The following CDKN2B-AS1 variants were observed in gnomAD, a reference collection of about 807,000 sequenced individuals.
CDKN2B-AS1 encodes CDKN2B antisense RNA 1 (non-protein coding).
chr9:22,049,656 T>G (rs1823259288), intron 3 of CDKN2B-AS1, among the ~76,000 whole-genome samples: 1 of 152,146 alleles, frequency 6.6e-6, no homozygotes, highest in African/African-American at 2.4e-5. Flanking sequence ...TTCAGAGAGC[T>G]GGGATGACTC....
intron 4 of CDKN2B-AS1, among the ~76,000 whole-genome samples, chr9:22,113,291 T>A (rs1825850939): frequency 6.6e-6 from 1 of 152,184 alleles, no homozygotes; most frequent in South Asian, 2.1e-4. Flanking sequence ...ATCCCCTCCA[T>A]CTTCAGGCCA....
chr9:22,076,982 G>A (rs1193555339), intron 4 of CDKN2B-AS1, among the ~76,000 whole-genome samples: 6 of 152,174 alleles, frequency 3.9e-5, no homozygotes, highest in Non-Finnish European at 7.3e-5. Flanking sequence ...ATCATGCCTG[G>A]CCTACAATGC....
chr9:22,042,209 T>C (rs1822924359), intron 1 of CDKN2B-AS1, among the ~76,000 whole-genome samples: 1 of 152,072 alleles, frequency 6.6e-6, no homozygotes, highest in South Asian at 2.1e-4. Flanking sequence ...AACCCTTTCT[T>C]CTACCAGCTG....
intron 4 of CDKN2B-AS1, among the ~76,000 whole-genome samples, chr9:22,122,057 G>A (rs1218308169): frequency 8.7e-6 from 1 of 114,816 alleles, no homozygotes; most frequent in African/African-American, 2.9e-5. Flanking sequence ...GCCAGCATTT[G>A]TTATTTTTTT....
intron 1 of CDKN2B-AS1, among the ~76,000 whole-genome samples, chr9:22,026,371 C>T (rs1390373321): frequency 6.6e-6 from 1 of 152,198 alleles, no homozygotes; most frequent in Non-Finnish European, 1.5e-5. Flanking sequence ...CTTAAAGCAG[C>T]AGTCTGGCCA....
chr9:22,089,310 G>T (rs1824980830), intron 4 of CDKN2B-AS1, among the ~76,000 whole-genome samples: 1 of 152,112 alleles, frequency 6.6e-6, no homozygotes, highest in Non-Finnish European at 1.5e-5. Context: ...TTGAATTGAT[G>T]ATATTTATCT....
chr9:22,058,328 A>C (rs1823660520), intron 4 of CDKN2B-AS1: 2 of 152,220 alleles, frequency 1.3e-5, no homozygotes, highest in African/African-American at 4.8e-5. Context: ...CCATTTATTT[A>C]CTTTTTTCCC....
chr9:22,119,237 A>C (rs72654271), intron 4 of CDKN2B-AS1: 1 of 152,106 alleles, frequency 6.6e-6, no homozygotes, highest in African/African-American at 2.4e-5. Context: ...CATGAAGATA[A>C]CACAGATATA....
At chr9:22,064,533 T>C (rs537043533) in intron 4 of CDKN2B-AS1, among the ~76,000 whole-genome samples, 36 of 152,254 alleles carry the variant, frequency 2.4e-4, no homozygotes, top group Middle Eastern at 6.8e-3. Context: ...TTTCAGCATA[T>C]GAGGATTATA....
chr9:22,034,125 A>G (rs182087118), intron 1 of CDKN2B-AS1, among the ~76,000 whole-genome samples: 9 of 152,306 alleles, frequency 5.9e-5, no homozygotes, highest in Admixed American at 2.0e-4. Flanking sequence ...CATGTTGAAC[A>G]TGTGGTGGGA....
rs1172097703 is a variant in CDKN2B-AS1, at chr9:22,039,732, CTT to C, written n.30-7017_30-7016del. On this transcript the variant is annotated intron_variant and non_coding_transcript_variant, in intron 1 of 4. Transcript: ENST00000650946. The surrounding 1 kb of genome is among the most constrained non-coding windows in gnomAD (Gnocchi z 4.4). ...TCTGACCTCTCAGCTCCTAAATAAA[CTT>C]TGCCAAATCTTCAGGCCCTCAAAAT... is the stretch of plus-strand genomic sequence containing the variant. 2.0e-5 allele frequency among the ~76,000 whole-genome samples: 3 copies of C among 152,030 alleles called. No homozygotes were observed. Among genetic ancestry groups the C allele is most frequent in the Non-Finnish European group, 4.4e-5 (3 of 67,946 alleles).
chr9:22,091,753 T>C (rs1056322423), intron 4 of CDKN2B-AS1, among the ~76,000 whole-genome samples: 3 of 152,188 alleles, frequency 2.0e-5, no homozygotes, highest in African/African-American at 7.2e-5. Context: ...AGATATACAA[T>C]CATGTCATCT....
At chr9:22,068,109 C>G (rs1824137766) in intron 4 of CDKN2B-AS1, among the ~76,000 whole-genome samples, 1 of 152,136 alleles carries the variant, frequency 6.6e-6, no homozygotes, top group African/African-American at 2.4e-5. Context: ...TAGTTTTGTC[C>G]TCACTTTTTT....
intron 1 of CDKN2B-AS1, among the ~76,000 whole-genome samples, chr9:22,007,302 T>C (rs997730419): frequency 6.6e-6 from 1 of 152,122 alleles, no homozygotes; most frequent in Non-Finnish European, 1.5e-5. Context: ...GAGGTTGCAG[T>C]GAGCTGAGAT....
intron 3 of CDKN2B-AS1, among the ~76,000 whole-genome samples, chr9:22,054,469 G>A (rs1823474611): frequency 6.6e-6 from 1 of 152,032 alleles, no homozygotes; most frequent in South Asian, 2.1e-4. Context: ...AACTGATTAT[G>A]AGCATACCTT....
At chr9:22,098,817 GT>G (rs1262458554) in intron 4 of CDKN2B-AS1, among the ~76,000 whole-genome samples, 9 of 152,164 alleles carry the variant, frequency 5.9e-5, no homozygotes, top group African/African-American at 2.2e-4. Context: ...CCCCTACACT[GT>G]GCTGACCACA....
At chr9:22,068,757 G>T (rs1205845327) in intron 4 of CDKN2B-AS1, among the ~76,000 whole-genome samples, 2 of 152,206 alleles carry the variant, frequency 1.3e-5, no homozygotes, top group Non-Finnish European at 2.9e-5. Context: ...AGTGAATCAA[G>T]CAAATGAAAC....
At chr9:22,110,577 T>C (rs116625702) in intron 4 of CDKN2B-AS1, among the ~76,000 whole-genome samples, 223 of 152,306 alleles carry the variant, frequency 1.5e-3, no homozygotes, top group African/African-American at 5.3e-3. Context: ...TCACTAAACA[T>C]GTAGGATCTT....
chr9:22,042,039 T>C (rs1397629925), intron 1 of CDKN2B-AS1, among the ~76,000 whole-genome samples: 2 of 152,084 alleles, frequency 1.3e-5, no homozygotes, highest in Non-Finnish European at 2.9e-5. Context: ...TTTACATGAG[T>C]TGACAGACTC....
Sources: allele counts gnomAD v4.1 joint callset (sites outside exome capture counted in the v4.1 genomes callset), GRCh38; gene constraint gnomAD v4.1.1; non-coding constraint Gnocchi (gnomAD v3.1); transcripts MANE v1.5; gene names NCBI Gene and HGNC (gene_info 2026-07-23, HGNC 2026-07-21).